HCN1: variants seen among roughly 807,000 people sequenced by gnomAD.
HCN1 encodes hyperpolarization activated cyclic nucleotide gated potassium channel 1.
In HCN1, 13 loss-of-function variants were observed where a neutral mutation model predicts 78.9. That is an observed-to-expected ratio of 0.16 (90% CI 0.11 to 0.26). The LOEUF (loss-of-function observed/expected upper bound fraction) is 0.26, where lower values mean the gene tolerates loss of function less well. HCN1 is among the 10% of genes least tolerant of loss of function. The probability of loss-of-function intolerance (pLI) is 1.00; values close to 1 mark genes in which losing one functional copy is unlikely to be tolerated. For synonymous variants in HCN1, 552 were observed against 455.5 expected, an observed-to-expected ratio of 1.21 and a Z score of -2.70; for missense variants, 810 against 1,154.3, an observed-to-expected ratio of 0.70 and a Z score of 4.32.
chr5:45,437,104 G>A (rs1240163787), intron 3 of HCN1, among the ~76,000 whole-genome samples: 1 of 152,092 alleles, frequency 6.6e-6, no homozygotes, highest in Non-Finnish European at 1.5e-5. Context: ...AATGCATGCA[G>A]TTTTATTGTT....
intron 3 of HCN1, among the ~76,000 whole-genome samples, chr5:45,423,915 C>G (rs1169649020): frequency 6.6e-6 from 1 of 151,946 alleles, no homozygotes; most frequent in Admixed American, 6.6e-5. Flanking sequence ...GTATACTTTT[C>G]CTGATCTTGC....
chr5:45,487,457 T>C lies in HCN1; in HGVS notation c.850-25450A>G, dbSNP rs370897708. ...TGGAAATTGTGCAGTCAGCTCTATG[T>C]ATTCTGTTGGTTAGAGCAATGCATG... On this transcript the variant is annotated intron_variant, in intron 2 of 7. Transcript: ENST00000303230. Among the ~76,000 whole-genome samples, 46 of 152,210 alleles carry C rather than the reference T, an allele frequency of 3.0e-4. No homozygotes were observed. In the East Asian group the frequency reaches 4.4e-3, roughly 15 times the overall value.
intron 2 of HCN1, among the ~76,000 whole-genome samples, chr5:45,562,659 C>T (rs540485860): frequency 3.2e-4 from 49 of 152,120 alleles, no homozygotes; most frequent in Admixed American, 1.2e-3. Context: ...GAGATGAATC[C>T]TGTGATTTAG....
rs192997777 is a variant in HCN1, at chr5:45,611,032, T to G, written c.849+34153A>C. On this transcript the variant is annotated intron_variant, in intron 2 of 7. Coordinates refer to ENST00000303230, the MANE Select transcript of HCN1 (RefSeq NM_021072.4). ...GTGACCTATGTTTGTCCACTGAAAT[T>G]TAAGTCCTACTATTAAATTCTTTTC... Among the ~76,000 whole-genome samples, 1,406 of 149,192 alleles carry G rather than the reference T, an allele frequency of 9.4e-3. 11 individuals carry two copies. The highest frequency in any genetic ancestry group is 0.014 in the Middle Eastern group (4 of 278).
chr5:45,441,597 A>G (rs1369388316), intron 3 of HCN1, among the ~76,000 whole-genome samples: 1 of 152,232 alleles, frequency 6.6e-6, no homozygotes, highest in East Asian at 1.9e-4. Flanking sequence ...AAACTGAACA[A>G]CAACTCTTGT....
chr5:45,449,052 G>A (rs1398718255), intron 3 of HCN1, among the ~76,000 whole-genome samples: 1 of 152,152 alleles, frequency 6.6e-6, no homozygotes, highest in Non-Finnish European at 1.5e-5. Context: ...AGGTTGCAGT[G>A]AGCCAAGATC....
chr5:45,549,556 C>T (rs1006460358), intron 2 of HCN1, among the ~76,000 whole-genome samples: 1 of 152,142 alleles, frequency 6.6e-6, no homozygotes, highest in Admixed American at 6.6e-5. Context: ...AGAAGAAAAC[C>T]TGTGCAATAC....
intron 1 of HCN1, among the ~76,000 whole-genome samples, chr5:45,665,501 C>A (rs996501737): frequency 2.6e-5 from 4 of 151,756 alleles, no homozygotes; most frequent in South Asian, 2.1e-4. Context: ...ATTTAAGTGA[C>A]AGGCTGTGTA....
chr5:45,631,435 C>G (rs919370985), intron 2 of HCN1, among the ~76,000 whole-genome samples: 1 of 152,028 alleles, frequency 6.6e-6, no homozygotes. Context: ...CAGTCTACAT[C>G]CAGGTATGAG....
intron 1 of HCN1, among the ~76,000 whole-genome samples, chr5:45,658,282 AC>A (rs1369194812): frequency 1.3e-5 from 2 of 152,196 alleles, no homozygotes; most frequent in Non-Finnish European, 2.9e-5. Context: ...AACCATAAAA[AC>A]CCTAGAAGAA....
intron 4 of HCN1, among the ~76,000 whole-genome samples, chr5:45,362,714 A>G (rs767883401): frequency 9.2e-5 from 14 of 152,128 alleles, no homozygotes; most frequent in Middle Eastern, 3.2e-3. Flanking sequence ...GGCACAGAGA[A>G]TTTAAATAAC....
At chr5:45,681,341 CTCTG>C (rs760538611) in intron 1 of HCN1, among the ~76,000 whole-genome samples, 14 of 152,070 alleles carry the variant, frequency 9.2e-5, no homozygotes, top group Admixed American at 7.9e-4. Flanking sequence ...TTTGATCTTG[CTCTG>C]TCTTTTATAT....
intron 2 of HCN1, among the ~76,000 whole-genome samples, chr5:45,544,938 G>A (rs1743180003): frequency 6.6e-6 from 1 of 152,132 alleles, no homozygotes; most frequent in Non-Finnish European, 1.5e-5. Context: ...ATAGTAGCAT[G>A]ATTTATAATC....
intron 5 of HCN1, among the ~76,000 whole-genome samples, chr5:45,315,238 C>T (rs985212989): frequency 6.6e-6 from 1 of 152,152 alleles, no homozygotes; most frequent in Admixed American, 6.5e-5. Context: ...TGCAATCAAA[C>T]TAGAACTCAG....
chr5:45,260,462 C>T lies in HCN1; in HGVS notation c.*1459G>A, dbSNP rs902595519. On this transcript the variant is annotated 3_prime_UTR_variant, in exon 8 of 8. Transcript: ENST00000303230. ...GTTCAACTTTACCCCTGCTTTCTGT[C>T]ACCATGTCTGTACTATTTTCAACAC... 6.6e-6 allele frequency: 1 copy of T among 152,168 alleles called. No homozygotes were observed. The highest frequency in any genetic ancestry group is 6.5e-5 in the Admixed American group (1 of 15,280). The allele number at this position is 152,168 out of a possible 1,614,324, so 9.4% of individuals were successfully genotyped here. A position where few individuals can be genotyped will look rare whatever the true frequency, so the allele number is the denominator to read the frequency against.
At chr5:45,372,093 ATATATT>A (rs1410492664) in intron 4 of HCN1, among the ~76,000 whole-genome samples, 2 of 54,692 alleles carry the variant, frequency 3.7e-5, no homozygotes, top group African/African-American at 9.8e-5. Flanking sequence ...ATAATTATAT[ATATATT>A]TTATATATAA....
intron 4 of HCN1, among the ~76,000 whole-genome samples, chr5:45,391,398 A>C (rs1739557889): frequency 6.6e-6 from 1 of 152,176 alleles, no homozygotes; most frequent in African/African-American, 2.4e-5. Context: ...TTAGTAACTC[A>C]ACTAAGCTTC....
Position 45,262,217 on chromosome 5 carries a change from G to A in HCN1, c.2377C>T (p.Leu793=). ...ATCAGAGTGGACACCTCATGGGGCA[G>A]CGAGGGCTGCGAGGCGGAGAGTGGC... ...VRPLSASQPS[L]PHEVSTLISR... is the part of the protein sequence containing the mutation. The change falls in exon 8 of 8, where the codon CTG becomes TTG. Residue 793 remains leucine, a synonymous_variant. Transcript: ENST00000303230. 2 of 1,614,034 alleles carry A rather than the reference G, an allele frequency of 1.2e-6. No homozygotes were observed. Among genetic ancestry groups the A allele is most frequent in the Non-Finnish European group, 1.7e-6 (2 of 1,180,028 alleles).
At chr5:45,492,121 GT>G (rs1741896556) in intron 2 of HCN1, among the ~76,000 whole-genome samples, 1 of 151,924 alleles carries the variant, frequency 6.6e-6, no homozygotes, top group Non-Finnish European at 1.5e-5. Flanking sequence ...TGTCATGAGT[GT>G]TACACCAGCT....
Sources: allele counts gnomAD v4.1 joint callset (sites outside exome capture counted in the v4.1 genomes callset), GRCh38; gene constraint gnomAD v4.1.1; transcripts MANE v1.5; gene names NCBI Gene and HGNC (gene_info 2026-07-23, HGNC 2026-07-21).